Variants in EFCAB8 observed in about 807,000 individuals in gnomAD.
EFCAB8 encodes the protein EF-hand calcium-binding domain-containing protein 8.
Under a neutral mutation model 116.3 loss-of-function variants are expected in EFCAB8, and 100 were observed. The ratio of observed to expected loss-of-function variants is 0.86; its 90% CI spans 0.73 to 1.02. The LOEUF (loss-of-function observed/expected upper bound fraction) is 1.02. Among genes scored for constraint, EFCAB8 ranks in the 50% least tolerant of loss-of-function variants. EFCAB8 has a pLI of 0.00. For synonymous variants in EFCAB8, 558 were observed against 567.9 expected (o/e 0.98, Z 0.25); for missense variants, 1,320 against 1,416.9 (o/e 0.93, Z 1.10).
intron 23 of EFCAB8, among the ~76,000 whole-genome samples, chr20:32,956,489 C>T (rs1275241427): frequency 6.6e-6 from 1 of 151,906 alleles, no homozygotes; most frequent in Non-Finnish European, 1.5e-5. Context: ...ATCAAATTTT[C>T]AGATCAATAG....
intron 22 of EFCAB8, among the ~76,000 whole-genome samples, chr20:32,942,872 A>T (rs952002620): frequency 6.6e-6 from 1 of 152,104 alleles, no homozygotes; most frequent in African/African-American, 2.4e-5. Context: ...ACTACTGTTT[A>T]TTGAGTCATG....
intron 11 of EFCAB8, among the ~76,000 whole-genome samples, chr20:32,903,146 C>G (rs1393531892): frequency 6.6e-6 from 1 of 152,224 alleles, no homozygotes; most frequent in Non-Finnish European, 1.5e-5. Context: ...TTGGGCCCTG[C>G]CCATCTCGCC....
rs965389054 is a variant in EFCAB8 at position 32,906,190 on chromosome 20, C to T, written c.1089-372C>T. Among the ~76,000 whole-genome samples the T allele has an allele frequency of 2.0e-5, 3 of 152,146 alleles. No homozygotes were observed. In the East Asian group the frequency reaches 5.8e-4, roughly 29 times the overall value. On this transcript the variant is annotated intron_variant, in intron 11 of 26. Transcript: ENST00000400522. ...GATTTGTATCATGGATGGGAAGATG[C>T]CTGTCCCAGTACAGTTGATGTGAAA...
chr20:32,901,888 A>G (rs1282420709), intron 11 of EFCAB8, among the ~76,000 whole-genome samples: 1 of 152,140 alleles, frequency 6.6e-6, no homozygotes, highest in Non-Finnish European at 1.5e-5. Context: ...GGGTTTCACC[A>G]TGTTGGCCAG....
intron 23 of EFCAB8, among the ~76,000 whole-genome samples, chr20:32,951,118 C>A (rs1227995431): frequency 2.6e-5 from 4 of 152,206 alleles, no homozygotes; most frequent in African/African-American, 7.2e-5. Flanking sequence ...AATGGTTCAA[C>A]CACTTTGGAA....
rs190423940 is a variant in EFCAB8, at chr20:32,873,434, A to G, written c.209-2492A>G. Among the ~76,000 whole-genome samples, 222 of 152,034 alleles carry G rather than the reference A, an allele frequency of 1.5e-3. 1 individual carries two copies. Among genetic ancestry groups the G allele is most frequent in the African/African-American group, 4.8e-3 (200 of 41,412 alleles). ...AAAAAAAAAGTTGTAGACAGGGGTT[A>G]TTGACCCATTTGCAGACAGATCCCC... On this transcript the variant is annotated intron_variant, in intron 3 of 26. Transcript: ENST00000400522.
chr20:32,952,439 T>C (rs1600468670), intron 23 of EFCAB8, among the ~76,000 whole-genome samples: 1 of 152,236 alleles, frequency 6.6e-6, no homozygotes, highest in East Asian at 1.9e-4. Flanking sequence ...TGTTGTGAAA[T>C]ATGAGACAAA....
intron 4 of EFCAB8, 57 bp downstream of exon 4, chr20:32,876,101 C>A: frequency 7.0e-7 from 1 of 1,432,676 alleles, no homozygotes; most frequent in Non-Finnish European, 9.6e-7. Flanking sequence ...GGGTCCAGTC[C>A]TTGACCAGTT....
rs1985131799 is a variant in EFCAB8 at position 32,878,609 on chromosome 20, C to A, written c.328-95C>A. ...CTCGGCTCACTGCAAGCTCCGCTTCCCGGGTTCACGCCATTCTCCTGCCGA... is the reference window on the plus strand; with the variant it reads ...CTCGGCTCACTGCAAGCTCCGCTTCACGGGTTCACGCCATTCTCCTGCCGA... On this transcript the variant is annotated intron_variant, in intron 4 of 26. Coordinates refer to ENST00000400522, the MANE Select transcript of EFCAB8 (RefSeq NM_001143967.2). 3.1e-6 allele frequency: 3 copies of A among 958,042 alleles called. No homozygotes were observed. The Admixed American group carries it at 6.4e-5, about 20-fold the overall frequency. The allele number at this position is 958,042 out of a possible 1,614,324, so 59.3% of individuals were successfully genotyped here.
intron 11 of EFCAB8, among the ~76,000 whole-genome samples, chr20:32,901,107 G>C (rs1424016054): frequency 6.6e-6 from 1 of 152,244 alleles, no homozygotes; most frequent in East Asian, 1.9e-4. Context: ...CTGACGTGAA[G>C]GGGAAGTTTC....
chr20:32,867,670 C>G lies in EFCAB8; in HGVS notation c.131C>G (p.Pro44Arg). ...CTTAGCCAGGTGCCTGACCTCCAGC[C>G]TGGGTCCCAGCTGTTTACTGAGATA... is the stretch of plus-strand genomic sequence containing the variant. ...ITLSQVPDLQ[P>R]GSQLFTEIHL... Residue 44 changes from proline to arginine, a missense_variant, in exon 3 of 27, where the codon CCT (proline) becomes CGT (arginine). Physicochemically the swap from Pro to Arg is moderately radical, Grantham distance 103. Transcript: ENST00000400522. 1 of 1,551,676 alleles carries G rather than the reference C, an allele frequency of 6.4e-7. No individual in the cohort carries two copies. Among genetic ancestry groups the G allele is most frequent in the Non-Finnish European group, 8.7e-7 (1 of 1,147,000 alleles).
chr20:32,886,006 G>A lies in EFCAB8; in HGVS notation c.567+366G>A, dbSNP rs142132914. ...TGTGCTAGGGGTCAGCCACTCCCAC[G>A]CTGTCCCCACGTCCTACCGATTCAG... On this transcript the variant is annotated intron_variant, in intron 6 of 26. Transcript: ENST00000400522. Among the ~76,000 whole-genome samples, 853 of 152,272 alleles carry A rather than the reference G, an allele frequency of 5.6e-3. 8 individuals are homozygous for A. Among genetic ancestry groups the A allele is most frequent in the African/African-American group, 0.02 (816 of 41,562 alleles).
At position 32,883,188 on chromosome 20, in the gene EFCAB8, C is replaced by A. The variant is rs544729962; in HGVS notation, c.432-2317C>A. On this transcript the variant is annotated intron_variant, in intron 5 of 26. Transcript: ENST00000400522. ...CTCTGTAGGCCCCATTAGAGCATTT[C>A]TCTGATATCACCCAAGACATCTGGG... Among the ~76,000 whole-genome samples, 6 of 152,312 alleles carry A rather than the reference C, an allele frequency of 3.9e-5. No homozygotes were observed. The South Asian group carries it at 1.2e-3, about 32-fold the overall frequency.
At chr20:32,891,816 G>A (rs1470352905) in intron 7 of EFCAB8, among the ~76,000 whole-genome samples, 1 of 147,462 alleles carries the variant, frequency 6.8e-6, no homozygotes, top group African/African-American at 2.5e-5. Context: ...TGGATCTGTT[G>A]GAAGGAGTCA....
chr20:32,952,664 T>C (rs1355443872), intron 23 of EFCAB8, among the ~76,000 whole-genome samples: 1 of 152,236 alleles, frequency 6.6e-6, no homozygotes, highest in Non-Finnish European at 1.5e-5. Flanking sequence ...GTGTCCTGGA[T>C]ATGAGACCTT....
intron 14 of EFCAB8, 68 bp from the exon 15 acceptor site, chr20:32,909,753 C>A: frequency 1.2e-6 from 1 of 811,536 alleles, no homozygotes; most frequent in Non-Finnish European, 1.7e-6. Context: ...AAGTTTTTCC[C>A]GGCAGCCCAT....
rs559011707 is a variant in EFCAB8 at position 32,959,844 on chromosome 20, C to T, written c.3156C>T (p.Leu1052=). The change falls in exon 25 of 27, where the codon CTC becomes CTT. Residue 1052 remains leucine, a synonymous_variant. Coordinates refer to ENST00000400522, the MANE Select transcript of EFCAB8 (RefSeq NM_001143967.2). ...QRREQAALMA[L]LHGKADKEAD... ...GAGAGCAGGCGGCGCTGATGGCTCT[C>T]CTGCATGGGAAGGCAGATAAGGAGG... is the stretch of plus-strand genomic sequence containing the variant. 9 of 1,547,962 alleles carry T rather than the reference C, an allele frequency of 5.8e-6. No homozygotes were observed. The highest frequency in any genetic ancestry group is 2.4e-5 in the East Asian group (1 of 40,848).
chr20:32,927,804 C>T (rs1987732541), intron 20 of EFCAB8, among the ~76,000 whole-genome samples: 1 of 152,046 alleles, frequency 6.6e-6, no homozygotes, highest in African/African-American at 2.4e-5. Flanking sequence ...TCAGGGATTC[C>T]TGTTTTTTCT....
chr20:32,929,375 C>CAA (rs1484046337), intron 20 of EFCAB8, among the ~76,000 whole-genome samples: 1 of 152,058 alleles, frequency 6.6e-6, no homozygotes, highest in Non-Finnish European at 1.5e-5. Context: ...GCAGGTTGAA[C>CAA]AACTAATTTC....
Sources: allele counts gnomAD v4.1 joint callset (sites outside exome capture counted in the v4.1 genomes callset), GRCh38; gene constraint gnomAD v4.1.1; transcripts MANE v1.5; gene names NCBI Gene and HGNC (gene_info 2026-07-23, HGNC 2026-07-21).